The following MYO1D variants were observed in gnomAD, a reference collection of about 807,000 sequenced individuals.
MYO1D encodes myosin ID.
A neutral mutation model predicts 122.0 loss-of-function variants in MYO1D; 83 were observed. The observed-to-expected ratio is 0.68, with a 90% CI of 0.57 to 0.82. MYO1D has a LOEUF of 0.82. Ranked by LOEUF, MYO1D falls within the 40% of genes least tolerant of loss-of-function variation. The pLI, the probability that MYO1D is intolerant of heterozygous loss-of-function variation, is 0.00. For missense variants in MYO1D, 1,157 were observed against 1,269.5 expected (o/e 0.91, Z 1.35); for synonymous variants, 464 against 446.9 (o/e 1.04, Z -0.48).
rs187811122 is a variant in MYO1D, at chr17:32,791,345, C to T, written c.96-10561G>A. 2.6e-3 allele frequency among the ~76,000 whole-genome samples: 327 copies of T among 124,784 alleles called. 4 individuals carry two copies. The highest frequency in any genetic ancestry group is 0.017 in the Middle Eastern group (2 of 116). 81.9% of individuals were successfully genotyped at this position (124,784 alleles called of 152,430 possible). Reference sequence around the variant, plus strand: ...CACTACTGCATTCCAGCCTGGGCAGCAGAGCGAGACTCCGTCTCAAAAAAA... The same window carrying T: ...CACTACTGCATTCCAGCCTGGGCAGTAGAGCGAGACTCCGTCTCAAAAAAA... On this transcript the variant is annotated intron_variant, in intron 1 of 21. Coordinates refer to ENST00000318217, the MANE Select transcript of MYO1D (RefSeq NM_015194.3).
chr17:32,561,332 T>C (rs2087123579), intron 21 of MYO1D, among the ~76,000 whole-genome samples: 1 of 150,154 alleles, frequency 6.7e-6, no homozygotes, highest in Non-Finnish European at 1.5e-5. Context: ...TTTTTTTGCT[T>C]CAATTTTTTT....
chr17:32,520,062 C>G (rs1398898379), intron 21 of MYO1D, among the ~76,000 whole-genome samples: 2 of 152,184 alleles, frequency 1.3e-5, no homozygotes, highest in African/African-American at 4.8e-5. Context: ...ACTTTTCCTG[C>G]TCAGATTCCT....
At chr17:32,791,676 G>A (rs917360031) in intron 1 of MYO1D, among the ~76,000 whole-genome samples, 2 of 152,050 alleles carry the variant, frequency 1.3e-5, no homozygotes, top group Admixed American at 6.6e-5. Context: ...ACAAAAGGGG[G>A]TTTCTTGTAG....
intron 1 of MYO1D, among the ~76,000 whole-genome samples, chr17:32,813,754 G>T (rs909745771): frequency 3.9e-5 from 6 of 152,220 alleles, no homozygotes; most frequent in Non-Finnish European, 8.8e-5. Flanking sequence ...TAAGACTGGA[G>T]CTATGGAGAC....
At chr17:32,644,782 T>A (rs1267327882) in intron 19 of MYO1D, among the ~76,000 whole-genome samples, 2 of 152,156 alleles carry the variant, frequency 1.3e-5, no homozygotes, top group Admixed American at 1.3e-4. Context: ...TCTTCCTCCA[T>A]CCCTTTATTT....
In MYO1D at chr17:32,760,475, A is replaced by T; in HGVS notation, c.1181+7T>A. ...CAACAAGGTTTTAAGTATCTTTTCC[A>T]GTTTACCTGTTGTTGTCAAAGATTT... On this transcript the variant is annotated splice_region_variant and intron_variant, in intron 9 of 21. Transcript: ENST00000318217. The T allele has an allele frequency of 6.2e-7, 1 of 1,611,066 alleles. No homozygotes were observed. Among genetic ancestry groups the T allele is most frequent in the Non-Finnish European group, 8.5e-7 (1 of 1,178,302 alleles).
chr17:32,543,951 C>A (rs1020820973), intron 21 of MYO1D, among the ~76,000 whole-genome samples: 2 of 152,132 alleles, frequency 1.3e-5, no homozygotes, highest in African/African-American at 4.8e-5. Flanking sequence ...TGCCACCACA[C>A]CTGGCTAATT....
At chr17:32,673,388 G>A (rs558604927) in intron 16 of MYO1D, among the ~76,000 whole-genome samples, 32 of 152,102 alleles carry the variant, frequency 2.1e-4, no homozygotes, top group African/African-American at 7.5e-4. Context: ...ACAGGCATGA[G>A]CCACTGTGCC....
intron 19 of MYO1D, 85 bp from the exon 20 acceptor site, chr17:32,638,920 G>C: frequency 2.3e-6 from 2 of 888,578 alleles, no homozygotes; most frequent in Non-Finnish European, 1.9e-6. Flanking sequence ...TTCTTTAATA[G>C]ATGTGAACCA....
At chr17:32,529,088 C>T (rs1226636299) in intron 21 of MYO1D, 1 of 152,358 alleles carries the variant, frequency 6.6e-6, no homozygotes, top group South Asian at 2.1e-4. Flanking sequence ...ACAAGTGTTG[C>T]ACATCATTAC....
intron 21 of MYO1D, among the ~76,000 whole-genome samples, chr17:32,594,837 A>C (rs2087475767): frequency 1.3e-5 from 2 of 152,112 alleles, no homozygotes; most frequent in Non-Finnish European, 2.9e-5. Flanking sequence ...GTGGTTGCAA[A>C]GTCTTCTACT....
chr17:32,563,984 G>A (rs1490973535), intron 21 of MYO1D, among the ~76,000 whole-genome samples: 7 of 152,228 alleles, frequency 4.6e-5, no homozygotes, highest in Admixed American at 4.6e-4. Context: ...CAGTGAGATC[G>A]ATCCATCAAT....
intron 3 of MYO1D, among the ~76,000 whole-genome samples, chr17:32,777,716 C>A (rs1200141786): frequency 1.3e-5 from 2 of 152,042 alleles, no homozygotes; most frequent in Admixed American, 1.3e-4. Context: ...GAGACCGAGG[C>A]GGACGGGTCA....
At chr17:32,589,012 C>T (rs1443629704) in intron 21 of MYO1D, among the ~76,000 whole-genome samples, 1 of 150,832 alleles carries the variant, frequency 6.6e-6, no homozygotes, top group Non-Finnish European at 1.5e-5. Context: ...ACTTGTGGCA[C>T]CCCACTGCCC....
Position 32,737,630 on chromosome 17 carries a change from C to A in MYO1D, c.1746+623G>T, listed in dbSNP as rs1023694640. Among the ~76,000 whole-genome samples, 4 of 152,156 alleles carry A rather than the reference C, an allele frequency of 2.6e-5. No homozygotes were observed. The East Asian group carries it at 7.7e-4, about 29-fold the overall frequency. On this transcript the variant is annotated intron_variant, in intron 14 of 21. Coordinates refer to ENST00000318217, the MANE Select transcript of MYO1D (RefSeq NM_015194.3). ...GAGTAGCTGGGACTGTGGGTGCATG[C>A]CACCATGCCTGGCTAATTTTTTAAC... is the stretch of plus-strand genomic sequence containing the variant.
intron 17 of MYO1D, 59 bp from the exon 18 acceptor site, chr17:32,654,680 C>T: frequency 1.4e-6 from 2 of 1,435,160 alleles, no homozygotes; most frequent in Non-Finnish European, 1.9e-6. Flanking sequence ...TGCATTCTCT[C>T]TCTCTTTTTT....
intron 7 of MYO1D, among the ~76,000 whole-genome samples, chr17:32,766,614 A>C (rs1598080639): frequency 6.6e-6 from 1 of 152,156 alleles, no homozygotes; most frequent in East Asian, 1.9e-4. Flanking sequence ...GCTATGGTGA[A>C]ACCCCGTCTC....
intron 14 of MYO1D, among the ~76,000 whole-genome samples, chr17:32,737,157 A>G (rs2089713091): frequency 6.6e-6 from 1 of 152,222 alleles, no homozygotes; most frequent in African/African-American, 2.4e-5. Flanking sequence ...AAGAAACTAC[A>G]TAGGAGAAGC....
chr17:32,754,302 T>C (rs1048122444), intron 11 of MYO1D, among the ~76,000 whole-genome samples: 2 of 152,202 alleles, frequency 1.3e-5, no homozygotes, highest in East Asian at 3.8e-4. Flanking sequence ...GCACCTAGGA[T>C]TGCACCTGGA....
Sources: gnomAD v4.1 joint callset for allele counts (sites outside exome capture counted in the v4.1 genomes callset) on GRCh38, gnomAD v4.1.1 for gene constraint, MANE v1.5 for transcripts, NCBI Gene and HGNC (gene_info 2026-07-23, HGNC 2026-07-21) for gene names.